FRY: variants seen among roughly 807,000 people sequenced by gnomAD.
The protein encoded by FRY is FRY microtubule binding protein.
Under a neutral mutation model 348.4 loss-of-function variants are expected in FRY, and 128 were observed. That is an observed-to-expected ratio of 0.37 (90% CI 0.32 to 0.43). FRY has a LOEUF of 0.43. FRY is among the 20% of genes least tolerant of loss of function. The probability of loss-of-function intolerance (pLI) is 1.00; values close to 1 mark genes in which losing one functional copy is unlikely to be tolerated. For missense variants in FRY, 2,736 were observed against 3,695.2 expected, an observed-to-expected ratio of 0.74 and a Z score of 6.73; for synonymous variants, 1,370 against 1,374.7, an observed-to-expected ratio of 1.00 and a Z score of 0.08.
At chr13:32,262,611 A>T in intron 53 of FRY, 136 bp downstream of exon 53, 1 of 739,288 alleles carries the variant, frequency 1.4e-6, no homozygotes. Context: ...TCTTTTTTAA[A>T]ATAATAGAAG....
At chr13:32,245,739 G>A (rs905392161) in intron 47 of FRY, among the ~76,000 whole-genome samples, 1 of 152,212 alleles carries the variant, frequency 6.6e-6, no homozygotes, top group Non-Finnish European at 1.5e-5. Context: ...GAGTAGTGCA[G>A]GGCCACGATG....
intron 11 of FRY, among the ~76,000 whole-genome samples, chr13:32,139,498 G>T (rs142728558): frequency 0.016 from 2,444 of 152,276 alleles, 26 homozygotes; most frequent in African/African-American, 0.022. Flanking sequence ...AGAAGTGTGC[G>T]TGAGCGTGAA....
intron 35 of FRY, among the ~76,000 whole-genome samples, chr13:32,213,483 A>G (rs954429247): frequency 6.6e-6 from 1 of 152,250 alleles, no homozygotes; most frequent in Non-Finnish European, 1.5e-5. Context: ...AAGTTCTCTA[A>G]TAAAGCCTTT....
At chr13:32,186,499 T>A in intron 27 of FRY, 79 bp downstream of exon 27, 1 of 943,774 alleles carries the variant, frequency 1.1e-6, no homozygotes, top group African/African-American at 1.6e-5. Flanking sequence ...GCCTTAAAAA[T>A]AAGCTTAAAA....
chr13:32,239,642 TA>T lies in FRY; in HGVS notation c.6517-65del. On this transcript the variant is annotated intron_variant, in intron 45 of 60. Coordinates refer to ENST00000542859, the MANE Select transcript of FRY (RefSeq NM_023037.3). The surrounding 1 kb of genome is among the most constrained non-coding windows in gnomAD (Gnocchi z 4.3). ...CTTTCCAGATGGCCAGAGCTTATAGTAAAATTGCTAACATTTCTTCCTATTC... is the reference window on the plus strand; with the variant it reads ...CTTTCCAGATGGCCAGAGCTTATAGTAAATTGCTAACATTTCTTCCTATTC... The T allele has an allele frequency of 1.8e-6, 2 of 1,126,560 alleles. No homozygotes were observed. The highest frequency in any genetic ancestry group is 2.7e-6 in the Non-Finnish European group (2 of 749,228). 69.8% of individuals were successfully genotyped at this position (1,126,560 alleles called of 1,614,324 possible). A position where few individuals can be genotyped will look rare whatever the true frequency, so the allele number is the denominator to read the frequency against.
intron 1 of FRY, chr13:32,038,433 G>A (rs757568214): frequency 2.0e-5 from 3 of 151,884 alleles, no homozygotes; most frequent in Admixed American, 6.6e-5. Flanking sequence ...TTCTTAGTGC[G>A]GTGCCTTCTG....
intron 28 of FRY, 72 bp from the exon 29 acceptor site, chr13:32,194,071 C>A: frequency 2.8e-6 from 4 of 1,430,638 alleles, no homozygotes; most frequent in South Asian, 1.1e-5. Context: ...ATTGACTAAG[C>A]TTTATCTGTA....
At chr13:32,069,151 G>A (rs1031635503) in intron 1 of FRY, among the ~76,000 whole-genome samples, 3 of 151,958 alleles carry the variant, frequency 2.0e-5, no homozygotes, top group South Asian at 2.1e-4. Context: ...TCCTGACCTC[G>A]TGATCCACCC....
chr13:32,075,764 G>A (rs1875009602), intron 1 of FRY, among the ~76,000 whole-genome samples: 1 of 152,196 alleles, frequency 6.6e-6, no homozygotes, highest in South Asian at 2.1e-4. Flanking sequence ...GAGGGTTACT[G>A]AAACTTGGAA....
intron 39 of FRY, among the ~76,000 whole-genome samples, chr13:32,226,623 T>C (rs1885598112): frequency 6.6e-6 from 1 of 152,204 alleles, no homozygotes; most frequent in African/African-American, 2.4e-5. Context: ...TGATGAAGAT[T>C]ACCAACTAAC....
chr13:32,173,454 G>C lies in FRY; in HGVS notation c.2239G>C (p.Val747Leu). Residue 747 changes from valine (V) to leucine (L), a missense_variant, in exon 19 of 61, where the codon GTT (valine) becomes CTT (leucine). Coordinates refer to ENST00000542859, the MANE Select transcript of FRY (RefSeq NM_023037.3). ...VLHAVEGFALVLLCSFQVATR... is the reference protein window; with the variant it reads ...VLHAVEGFALLLLCSFQVATR... ...CCACGCTGTAGAAGGTTTTGCTCTG[G>C]TTTTACTCTGCAGTTTCCAGGTGGC... The C allele has an allele frequency of 6.2e-7, 1 of 1,613,152 alleles. No homozygotes were observed. The highest frequency in any genetic ancestry group is 8.5e-7 in the Non-Finnish European group (1 of 1,179,802).
intron 51 of FRY, among the ~76,000 whole-genome samples, chr13:32,256,421 G>C (rs1054010822): frequency 6.6e-6 from 1 of 151,956 alleles, no homozygotes; most frequent in Non-Finnish European, 1.5e-5. Context: ...TGTGGTCCCA[G>C]CTACTCGGGA....
At chr13:32,266,376 T>C (rs1029793700) in intron 54 of FRY, among the ~76,000 whole-genome samples, 1 of 152,244 alleles carries the variant, frequency 6.6e-6, no homozygotes, top group Non-Finnish European at 1.5e-5. Context: ...TCACTTTCCC[T>C]GCGTATCTCT....
intron 1 of FRY, among the ~76,000 whole-genome samples, chr13:32,062,093 G>A (rs903151163): frequency 2.0e-5 from 3 of 151,426 alleles, no homozygotes; most frequent in Non-Finnish European, 2.9e-5. Flanking sequence ...ATAGCCTTCT[G>A]TTTCTAGGAA....
intron 29 of FRY, 56 bp downstream of exon 29, chr13:32,194,353 T>A: frequency 6.7e-7 from 1 of 1,496,920 alleles, no homozygotes. Context: ...TTACTTTTTG[T>A]GATATGAATG....
chr13:32,262,056 A>G (rs938906448), intron 52 of FRY, among the ~76,000 whole-genome samples: 4 of 152,126 alleles, frequency 2.6e-5, no homozygotes, highest in Non-Finnish European at 5.9e-5. Flanking sequence ...TAAGGCCTAG[A>G]TTTTTCCCAA....
In FRY at chr13:32,185,103, G is replaced by C; in HGVS notation, c.3274G>C (p.Ala1092Pro). 6.2e-7 allele frequency: 1 copy of C among 1,614,054 alleles called. No individual in the cohort carries two copies. The highest frequency in any genetic ancestry group is 8.5e-7 in the Non-Finnish European group (1 of 1,179,924). The change falls in exon 26 of 61, where the codon GCA (alanine) becomes CCA (proline). Residue 1092 changes from alanine to proline, a missense_variant. Transcript: ENST00000542859. ...KEVEILKDIR[A>P]HFSAMVANLI... ...AGTTGAAATTCTTAAAGATATCCGG[G>C]CACATTTTAGTGCAATGGTGGCCAA...
In FRY at chr13:32,237,199, G is replaced by C. The variant is rs1254449292; in HGVS notation, c.5811-180G>C. ...TCAGTATTGGGCTTTTTGTTTTGTT[G>C]ATGAGGGTTTCTCTTGTTTTGTTTT... On this transcript the variant is annotated intron_variant, in intron 43 of 60. Coordinates refer to ENST00000542859, the MANE Select transcript of FRY (RefSeq NM_023037.3). The surrounding 1 kb of genome is among the most constrained non-coding windows in gnomAD (Gnocchi z 6.3). 6.6e-6 allele frequency among the ~76,000 whole-genome samples: 1 copy of C among 151,994 alleles called. No individual in the cohort carries two copies. Among genetic ancestry groups the C allele is most frequent in the Non-Finnish European group, 1.5e-5 (1 of 67,992 alleles).
chr13:32,179,132 A>G lies in FRY; in HGVS notation c.2871+99A>G. On this transcript the variant is annotated intron_variant, in intron 22 of 60. Transcript: ENST00000542859. ...AAATTGCACTGTGCCTGCCATCTGG[A>G]GTATTATGGGATCAGATTTTCATCC... 3.5e-6 allele frequency: 3 copies of G among 845,246 alleles called. No individual in the cohort carries two copies. In the South Asian group the frequency reaches 4.3e-5, roughly 12 times the overall value. The allele number at this position is 845,246 out of a possible 1,614,324, so 52.4% of individuals were successfully genotyped here.
Sources: gnomAD v4.1 joint callset for allele counts (sites outside exome capture counted in the v4.1 genomes callset) on GRCh38, gnomAD v4.1.1 for gene constraint, Gnocchi (gnomAD v3.1) non-coding constraint, MANE v1.5 for transcripts, NCBI Gene and HGNC (gene_info 2026-07-23, HGNC 2026-07-21) for gene names.